DCC: variants seen among roughly 807,000 people sequenced by gnomAD.
DCC encodes the protein DCC netrin 1 receptor.
DCC carries 58 observed loss-of-function variants against 172.5 expected under a neutral mutation model. The ratio of observed to expected loss-of-function variants is 0.34; its 90% CI spans 0.27 to 0.42. DCC has a LOEUF of 0.42. Among genes scored for constraint, DCC ranks in the 10% least tolerant of loss-of-function variants. DCC has a pLI of 1.00. For missense variants in DCC, 1,740 were observed against 1,791.0 expected (o/e 0.97, Z 0.51); for synonymous variants, 709 against 644.5 (o/e 1.10, Z -1.52).
chr18:52,597,930 G>A lies in DCC; in HGVS notation c.92-154124G>A, dbSNP rs117263527. Among the ~76,000 whole-genome samples, 1,112 of 152,230 alleles carry A rather than the reference G, an allele frequency of 7.3e-3. 6 individuals are homozygous for A. The highest frequency in any genetic ancestry group is 0.011 in the Non-Finnish European group (737 of 68,020). The stretch of plus-strand genomic sequence containing the variant: ...GAGCACTGAATCATTTAAATGTCCT[G>A]TTTATTAACTCAGCTCCTCTCTATT... On this transcript the variant is annotated intron_variant, in intron 1 of 28. Coordinates refer to ENST00000442544, the MANE Select transcript of DCC (RefSeq NM_005215.4).
At chr18:53,449,047 G>A (rs961824142) in intron 22 of DCC, among the ~76,000 whole-genome samples, 1 of 152,134 alleles carries the variant, frequency 6.6e-6, no homozygotes, top group African/African-American at 2.4e-5. Flanking sequence ...CACACAATAA[G>A]TATTACATTC....
At chr18:52,791,533 A>C (rs568980720) in intron 2 of DCC, among the ~76,000 whole-genome samples, 119 of 151,804 alleles carry the variant, frequency 7.8e-4, no homozygotes, top group Non-Finnish European at 7.7e-4. Flanking sequence ...CCGTGGCTGC[A>C]GGCATGACCC....
At chr18:52,825,936 G>A (rs553698949) in intron 2 of DCC, among the ~76,000 whole-genome samples, 8 of 152,264 alleles carry the variant, frequency 5.3e-5, no homozygotes, top group African/African-American at 1.9e-4. Context: ...CTGAGGGGGG[G>A]AAAAACAGCA....
At chr18:53,163,975 A>G (rs1010190231) in intron 8 of DCC, among the ~76,000 whole-genome samples, 28 of 152,150 alleles carry the variant, frequency 1.8e-4, no homozygotes, top group African/African-American at 6.8e-4. Context: ...GATGAGACTT[A>G]AAGAAGAAGT....
chr18:53,065,579 C>T (rs545753918), intron 6 of DCC, among the ~76,000 whole-genome samples: 12 of 152,160 alleles, frequency 7.9e-5, no homozygotes, highest in Non-Finnish European at 1.6e-4. Flanking sequence ...TGGGCAAACG[C>T]TTCCAGAAAA....
At chr18:53,098,197 TAG>T (rs771196899) in intron 7 of DCC, among the ~76,000 whole-genome samples, 2 of 151,494 alleles carry the variant, frequency 1.3e-5, no homozygotes, top group Non-Finnish European at 2.9e-5. Context: ...ATTTTCAGAA[TAG>T]AGTTTTTTTT....
chr18:53,001,550 C>T (rs1230069887), intron 5 of DCC, among the ~76,000 whole-genome samples: 1 of 152,036 alleles, frequency 6.6e-6, no homozygotes, highest in East Asian at 1.9e-4. Flanking sequence ...AAAACGTTTT[C>T]TCTTGGATAA....
chr18:53,250,149 A>T (rs2056412461), intron 12 of DCC, among the ~76,000 whole-genome samples: 1 of 151,836 alleles, frequency 6.6e-6, no homozygotes, highest in South Asian at 2.1e-4. Flanking sequence ...GTGGAGTTGA[A>T]TTTCCCTCAA....
At chr18:52,502,213 T>C (rs2031048143) in intron 1 of DCC, among the ~76,000 whole-genome samples, 1 of 152,112 alleles carries the variant, frequency 6.6e-6, no homozygotes, top group Admixed American at 6.6e-5. Flanking sequence ...TTTTGGTAAA[T>C]TAGAATTAAA....
At chr18:52,374,597 C>T (rs17816353) in intron 1 of DCC, among the ~76,000 whole-genome samples, 1,612 of 152,206 alleles carry the variant, frequency 0.011, 18 homozygotes, top group South Asian at 0.022. Context: ...ATAGGGCCAA[C>T]ATTAGACTGG....
At chr18:52,603,127 A>G (rs981329227) in intron 1 of DCC, among the ~76,000 whole-genome samples, 10 of 152,106 alleles carry the variant, frequency 6.6e-5, no homozygotes, top group African/African-American at 2.4e-4. Context: ...TTCAAGGACT[A>G]ATTCCAGACC....
intron 1 of DCC, among the ~76,000 whole-genome samples, chr18:52,661,813 A>G (rs1170501784): frequency 1.3e-5 from 2 of 152,288 alleles, no homozygotes; most frequent in Non-Finnish European, 2.9e-5. Flanking sequence ...GCAGAAAACA[A>G]TCTCAAATAA....
At chr18:52,774,569 A>T (rs2037395806) in intron 2 of DCC, among the ~76,000 whole-genome samples, 2 of 152,244 alleles carry the variant, frequency 1.3e-5, no homozygotes, top group African/African-American at 4.8e-5. Context: ...AGCAGCAAAG[A>T]ACTCTGCATT....
chr18:53,351,337 GTA>G lies in DCC; in HGVS notation c.2359+11441_2359+11442del, dbSNP rs1165093443. 1.3e-3 allele frequency among the ~76,000 whole-genome samples: 15 copies of G among 11,644 alleles called. No individual in the cohort carries two copies. In the South Asian group the frequency reaches 0.032, roughly 25 times the overall value. 7.6% of individuals were successfully genotyped at this position (11,644 alleles called of 152,430 possible). Reference sequence around the variant, plus strand: ...TATACACTGTATATATATATACAGTGTATATATATATACACAGTATATATATA... The same window carrying G: ...TATACACTGTATATATATATACAGTGTATATATATACACAGTATATATATA... On this transcript the variant is annotated intron_variant, in intron 15 of 28. Coordinates refer to ENST00000442544, the MANE Select transcript of DCC (RefSeq NM_005215.4).
intron 1 of DCC, among the ~76,000 whole-genome samples, chr18:52,533,658 A>T (rs2144688652): frequency 6.6e-6 from 1 of 152,202 alleles, no homozygotes; most frequent in East Asian, 1.9e-4. Context: ...CATCTGGATG[A>T]TTTCAGGTCT....
At chr18:52,590,682 AAC>A (rs2033779818) in intron 1 of DCC, among the ~76,000 whole-genome samples, 1 of 152,234 alleles carries the variant, frequency 6.6e-6, no homozygotes, top group Non-Finnish European at 1.5e-5. Context: ...TGTTGTCATC[AAC>A]CATCCATGTG....
intron 27 of DCC, among the ~76,000 whole-genome samples, chr18:53,505,974 A>C (rs1309359772): frequency 6.6e-6 from 1 of 152,262 alleles, no homozygotes; most frequent in Non-Finnish European, 1.5e-5. Context: ...CTTACATAAA[A>C]GTAGTAAGGC....
chr18:53,055,948 C>T (rs754833395), intron 5 of DCC, among the ~76,000 whole-genome samples: 1 of 152,078 alleles, frequency 6.6e-6, no homozygotes, highest in Non-Finnish European at 1.5e-5. Context: ...GGTTGCATTT[C>T]TCATCTCACA....
chr18:53,118,081 A>G (rs1222500579), intron 7 of DCC, among the ~76,000 whole-genome samples: 2 of 151,776 alleles, frequency 1.3e-5, no homozygotes, highest in African/African-American at 4.8e-5. Context: ...ATTACACACA[A>G]GTCAGCAAAT....
Sources: gnomAD v4.1 joint callset for allele counts (sites outside exome capture counted in the v4.1 genomes callset) on GRCh38, gnomAD v4.1.1 for gene constraint, MANE v1.5 for transcripts, NCBI Gene and HGNC (gene_info 2026-07-23, HGNC 2026-07-21) for gene names.